Variants in SORCS2 observed in about 807,000 individuals in gnomAD.
The protein encoded by SORCS2 is VPS10 domain-containing receptor SorCS2.
Under a neutral mutation model 141.6 loss-of-function variants are expected in SORCS2, and 100 were observed. The ratio of observed to expected loss-of-function variants is 0.71; its 90% confidence interval spans 0.60 to 0.83. The LOEUF (loss-of-function observed/expected upper bound fraction) is 0.83. Ranked by LOEUF, SORCS2 falls within the 40% of genes least tolerant of loss-of-function variation. The pLI is 0.00. For missense variants in SORCS2, 1,646 were observed against 1,560.2 expected (o/e 1.05, Z -0.93); for synonymous variants, 789 against 676.9 (o/e 1.17, Z -2.57).
intron 2 of SORCS2, among the ~76,000 whole-genome samples, chr4:7,505,951 C>T (rs773516027): frequency 3.3e-5 from 5 of 152,192 alleles, no homozygotes; most frequent in African/African-American, 4.8e-5. Flanking sequence ...CCTCCACTTC[C>T]GCGGCTATAA....
At chr4:7,669,576 T>C (rs901458719) in intron 8 of SORCS2, among the ~76,000 whole-genome samples, 1 of 152,212 alleles carries the variant, frequency 6.6e-6, no homozygotes, top group Non-Finnish European at 1.5e-5. Context: ...GATGTTGTTG[T>C]TTTATGGTGA....
At chr4:7,250,394 G>A (rs1034335901) in intron 1 of SORCS2, among the ~76,000 whole-genome samples, 37 of 152,170 alleles carry the variant, frequency 2.4e-4, no homozygotes, top group African/African-American at 7.7e-4. Context: ...CCCCTTTAAC[G>A]GGAAACACGC....
intron 2 of SORCS2, chr4:7,433,502 CG>C (rs767492629): frequency 2.5e-6 from 4 of 1,601,790 alleles, no homozygotes; most frequent in Non-Finnish European, 3.4e-6. Flanking sequence ...CACACAGCCA[CG>C]GGGTCCATCA....
intron 1 of SORCS2, among the ~76,000 whole-genome samples, chr4:7,216,205 T>C (rs1403574679): frequency 6.6e-6 from 1 of 152,156 alleles, no homozygotes; most frequent in Non-Finnish European, 1.5e-5. Flanking sequence ...GGCTTCATTC[T>C]TGAAGTCAGT....
At chr4:7,632,005 G>A (rs1174489721) in intron 3 of SORCS2, among the ~76,000 whole-genome samples, 1 of 152,186 alleles carries the variant, frequency 6.6e-6, no homozygotes, top group Non-Finnish European at 1.5e-5. Context: ...AGACATCAGG[G>A]GAGAAAAGCC....
intron 2 of SORCS2, among the ~76,000 whole-genome samples, chr4:7,499,033 G>A (rs537927252): frequency 1.3e-3 from 200 of 152,292 alleles, no homozygotes; most frequent in African/African-American, 4.3e-3. Context: ...GGAGGGACAC[G>A]GCACAGGGTG....
intron 7 of SORCS2, among the ~76,000 whole-genome samples, chr4:7,665,252 C>G (rs890197688): frequency 2.2e-4 from 33 of 152,202 alleles, no homozygotes; most frequent in African/African-American, 8.0e-4. Flanking sequence ...GCAGCCCACT[C>G]TACACTCAGT....
chr4:7,623,156 C>T (rs1460115282), intron 3 of SORCS2, among the ~76,000 whole-genome samples: 1 of 152,096 alleles, frequency 6.6e-6, no homozygotes, highest in Non-Finnish European at 1.5e-5. Context: ...ATCAGTAGTC[C>T]TCAGACACAC....
chr4:7,321,734 C>T (rs1718906221), intron 1 of SORCS2, among the ~76,000 whole-genome samples: 1 of 152,138 alleles, frequency 6.6e-6, no homozygotes. Flanking sequence ...GTGGTTGAGC[C>T]CCCTGGGGGA....
At chr4:7,430,259 C>T (rs1300317324) in intron 2 of SORCS2, 1 of 114,398 alleles carries the variant, frequency 8.7e-6, no homozygotes, top group South Asian at 2.7e-4. Flanking sequence ...ATAAATTATT[C>T]ACCAAAAAAA....
intron 2 of SORCS2, among the ~76,000 whole-genome samples, chr4:7,457,892 C>T (rs1194887843): frequency 1.3e-5 from 2 of 152,188 alleles, no homozygotes; most frequent in Non-Finnish European, 2.9e-5. Flanking sequence ...CTGGAGAGGT[C>T]AGGAGGGCTG....
intron 3 of SORCS2, among the ~76,000 whole-genome samples, chr4:7,582,096 T>C (rs757912916): frequency 2.5e-4 from 38 of 152,228 alleles, no homozygotes; most frequent in African/African-American, 3.6e-4. Flanking sequence ...CTACCACTTA[T>C]TGGAGACATA....
chr4:7,741,790 A>G lies in SORCS2; in HGVS notation c.*1526A>G, dbSNP rs568515022. On this transcript the variant is annotated 3_prime_UTR_variant, in exon 27 of 27. Coordinates refer to ENST00000507866, the MANE Select transcript of SORCS2 (RefSeq NM_020777.3). ...CAGTGCAGACGTTCTCCCATCCACC[A>G]TGTCTGAGCTTGGGGGAATTGCCTC... is the stretch of plus-strand genomic sequence containing the variant. 6.5e-6 allele frequency: 1 copy of G among 152,984 alleles called. No homozygotes were observed. The highest frequency in any genetic ancestry group is 1.9e-4 in the East Asian group (1 of 5,174). 9.5% of individuals were successfully genotyped at this position (152,984 alleles called of 1,614,324 possible).
chr4:7,607,354 G>C (rs915170681), intron 3 of SORCS2, among the ~76,000 whole-genome samples: 4 of 152,148 alleles, frequency 2.6e-5, no homozygotes, highest in African/African-American at 9.7e-5. Flanking sequence ...GATCCTCCTG[G>C]GGAGGTGGAG....
chr4:7,551,113 A>G lies in SORCS2; in HGVS notation c.648+19484A>G, dbSNP rs555926398. Reference sequence around the variant, plus strand: ...CTGCCTAGCCCATTGATTGCTTGCCATTTGTCATGGCAAAATATGCTGGAG... The same window carrying G: ...CTGCCTAGCCCATTGATTGCTTGCCGTTTGTCATGGCAAAATATGCTGGAG... On this transcript the variant is annotated intron_variant, in intron 3 of 26. Coordinates refer to ENST00000507866, the MANE Select transcript of SORCS2 (RefSeq NM_020777.3). Among the ~76,000 whole-genome samples the G allele has an allele frequency of 9.2e-5, 14 of 152,330 alleles. No individual in the cohort carries two copies. The East Asian group carries it at 2.3e-3, about 25-fold the overall frequency.
intron 5 of SORCS2, among the ~76,000 whole-genome samples, chr4:7,657,967 G>A (rs1721907694): frequency 6.6e-6 from 1 of 152,002 alleles, no homozygotes; most frequent in South Asian, 2.1e-4. Flanking sequence ...ATTAGTGAAT[G>A]AGTGACTGAG....
chr4:7,473,260 G>C (rs143299261), intron 2 of SORCS2, among the ~76,000 whole-genome samples: 1 of 152,182 alleles, frequency 6.6e-6, no homozygotes, highest in Non-Finnish European at 1.5e-5. Flanking sequence ...GGGAGCCTGC[G>C]GGGTGGGTCT....
chr4:7,362,516 A>G (rs1257880289), intron 1 of SORCS2, among the ~76,000 whole-genome samples: 1 of 152,178 alleles, frequency 6.6e-6, no homozygotes, highest in Non-Finnish European at 1.5e-5. Context: ...CTCAACACCC[A>G]TCTGGCCATT....
intron 2 of SORCS2, among the ~76,000 whole-genome samples, chr4:7,459,232 G>A (rs537608853): frequency 1.2e-4 from 19 of 152,182 alleles, no homozygotes; most frequent in African/African-American, 3.9e-4. Flanking sequence ...ACCCTTCTCC[G>A]AGTCTCTGTT....
Sources: allele counts gnomAD v4.1 joint callset (sites outside exome capture counted in the v4.1 genomes callset), GRCh38; gene constraint gnomAD v4.1.1; transcripts MANE v1.5; gene names NCBI Gene and HGNC (gene_info 2026-07-23, HGNC 2026-07-21).